The following TRMT9B variants were observed in gnomAD, a reference collection of about 807,000 sequenced individuals.
The protein encoded by TRMT9B is probable tRNA methyltransferase 9B.
Under a neutral mutation model 11.5 loss-of-function variants are expected in TRMT9B, and 16 were observed. That is an observed-to-expected ratio of 1.39 (90% CI 0.94 to 2.11). TRMT9B has a LOEUF of 2.11. TRMT9B is among the 30% of genes most tolerant of loss of function. The pLI, the probability that TRMT9B is intolerant of heterozygous loss-of-function variation, is 0.00. For synonymous variants in TRMT9B, 274 were observed against 192.4 expected (o/e 1.42, Z -3.51); for missense variants, 941 against 553.8 (o/e 1.70, Z -7.02).
intron 1 of TRMT9B, among the ~76,000 whole-genome samples, chr8:12,977,928 C>T (rs1444545176): frequency 6.6e-6 from 1 of 152,006 alleles, no homozygotes; most frequent in Admixed American, 6.6e-5. Context: ...ACTAGGGAGG[C>T]TGAGGTGGGA....
rs1813749128 is a variant in TRMT9B, at chr8:13,021,096, T to C, written c.417T>C (p.Ile139=). 4 of 1,610,492 alleles carry C rather than the reference T, an allele frequency of 2.5e-6. No homozygotes were observed. The East Asian group carries it at 8.9e-5, about 36-fold the overall frequency. Residue 139 remains isoleucine (I), a synonymous_variant, in exon 5 of 5, where the codon ATT becomes ATC. Transcript: ENST00000524591. Reference sequence around the variant, plus strand: ...TAGTTCCCGGAGGCCAACTGATGATTTACGTTTGGGCAATGGAACAAAAGA... The same window carrying C: ...TAGTTCCCGGAGGCCAACTGATGATCTACGTTTGGGCAATGGAACAAAAGA... ...RVLVPGGQLM[I]YVWAMEQKNR... is the part of the protein sequence containing the mutation.
In TRMT9B at chr8:13,021,497, A is replaced by G. The variant is rs758376419; in HGVS notation, c.818A>G (p.Asn273Ser). Residue 273 changes from asparagine to serine, a missense_variant, in exon 5 of 5, where the codon AAC (asparagine) becomes AGC (serine). Asn to Ser is a conservative substitution (Grantham distance 46, BLOSUM62 1). Coordinates refer to ENST00000524591, the MANE Select transcript of TRMT9B (RefSeq NM_020844.3). The part of the protein sequence containing the change: ...KQIERVRPLK[N>S]TEVWASSTVT... ...ATTGAAAGAGTAAGACCCTTGAAAA[A>G]CACAGAAGTTTGGGCCAGTAGCACT... The G allele has an allele frequency of 6.2e-7, 1 of 1,613,608 alleles. No homozygotes were observed. Among genetic ancestry groups the G allele is most frequent in the East Asian group, 2.2e-5 (1 of 44,870 alleles).
rs771058912 is a variant in TRMT9B at position 13,021,336 on chromosome 8, T to G, written c.657T>G (p.Pro219=). Reference sequence around the variant, plus strand: ...GGTCCCACAGCGTGGGCTATGAACCTGCTATGGCAAGAACCTGTTTTGCAA... The same window carrying G: ...GGTCCCACAGCGTGGGCTATGAACCGGCTATGGCAAGAACCTGTTTTGCAA... ...SKRSHSVGYE[P]AMARTCFANI... is the part of the protein sequence containing the mutation. The change falls in exon 5 of 5, where the codon CCT becomes CCG. Residue 219 remains proline, a synonymous_variant. Coordinates refer to ENST00000524591, the MANE Select transcript of TRMT9B (RefSeq NM_020844.3). 11 of 1,613,916 alleles carry G rather than the reference T, an allele frequency of 6.8e-6. No individual in the cohort carries two copies. Among genetic ancestry groups the G allele is most frequent in the Middle Eastern group, 1.6e-4 (1 of 6,084 alleles).
chr8:12,953,723 GTGTT>G (rs1800941895), intron 1 of TRMT9B, among the ~76,000 whole-genome samples: 1 of 152,212 alleles, frequency 6.6e-6, no homozygotes, highest in African/African-American at 2.4e-5. Context: ...GAACTGTCCA[GTGTT>G]GTGAGTGGTG....
chr8:12,952,946 G>T (rs1800819489), intron 1 of TRMT9B, among the ~76,000 whole-genome samples: 1 of 152,152 alleles, frequency 6.6e-6, no homozygotes, highest in Non-Finnish European at 1.5e-5. Flanking sequence ...CACCATGTTG[G>T]TCAGGCTGGT....
chr8:12,978,549 TAGATAGATAG>T (rs1804830541), intron 1 of TRMT9B, among the ~76,000 whole-genome samples: 2 of 150,884 alleles, frequency 1.3e-5, no homozygotes, highest in Admixed American at 1.3e-4. Context: ...GATAGATAGA[TAGATAGATAG>T]ATAGATAGAT....
At chr8:13,011,605 C>G (rs1234272697) in intron 3 of TRMT9B, 3 of 955,162 alleles carry the variant, frequency 3.1e-6, no homozygotes, top group South Asian at 9.7e-5. Context: ...GGCTTTGTTT[C>G]AAGGTGGTTT....
At chr8:12,988,011 C>T (rs746007830) in intron 1 of TRMT9B, among the ~76,000 whole-genome samples, 2 of 152,162 alleles carry the variant, frequency 1.3e-5, no homozygotes, top group Non-Finnish European at 2.9e-5. Flanking sequence ...TAAAGTCAAA[C>T]CTTCATAAGT....
At chr8:12,985,519 A>T (rs751189094) in intron 1 of TRMT9B, among the ~76,000 whole-genome samples, 12 of 152,168 alleles carry the variant, frequency 7.9e-5, no homozygotes, top group Non-Finnish European at 1.6e-4. Context: ...CACCCGTCAT[A>T]TGCTTACCCC....
chr8:12,963,332 C>G (rs1386130457), intron 1 of TRMT9B, among the ~76,000 whole-genome samples: 1 of 152,144 alleles, frequency 6.6e-6, no homozygotes, highest in African/African-American at 2.4e-5. Context: ...ACTCAGGAGG[C>G]TGAGGCAGGA....
chr8:13,018,061 A>C (rs1813082330), intron 4 of TRMT9B, among the ~76,000 whole-genome samples: 1 of 150,154 alleles, frequency 6.7e-6, no homozygotes, highest in Non-Finnish European at 1.5e-5. Flanking sequence ...AGGAATGGTC[A>C]CTTAAGCATT....
chr8:12,992,928 T>G (rs1807631734), intron 2 of TRMT9B, among the ~76,000 whole-genome samples: 1 of 152,284 alleles, frequency 6.6e-6, no homozygotes. Flanking sequence ...TAGTTACCCA[T>G]AAATTCTTTA....
chr8:12,983,530 C>T (rs542131992), intron 1 of TRMT9B, among the ~76,000 whole-genome samples: 26 of 152,162 alleles, frequency 1.7e-4, no homozygotes, highest in Middle Eastern at 3.4e-3. Context: ...ATTAGCTGGG[C>T]GTTGTGGCAG....
intron 1 of TRMT9B, among the ~76,000 whole-genome samples, chr8:12,966,248 C>T (rs918185165): frequency 5.3e-5 from 8 of 152,118 alleles, no homozygotes; most frequent in East Asian, 1.9e-4. Flanking sequence ...ACTCCAGCCT[C>T]GGTGACAGAG....
intron 2 of TRMT9B, among the ~76,000 whole-genome samples, chr8:12,994,453 T>C (rs574859918): frequency 6.6e-6 from 1 of 152,354 alleles, no homozygotes; most frequent in East Asian, 1.9e-4. Context: ...GTCTTTTCTC[T>C]TTCTCCCTTT....
At chr8:12,984,491 A>G (rs919430799) in intron 1 of TRMT9B, among the ~76,000 whole-genome samples, 6 of 152,178 alleles carry the variant, frequency 3.9e-5, no homozygotes, top group Non-Finnish European at 7.4e-5. Flanking sequence ...ACCTTTTTTC[A>G]GTAAAATGAC....
At chr8:12,984,063 G>A (rs1464607157) in intron 1 of TRMT9B, among the ~76,000 whole-genome samples, 2 of 152,146 alleles carry the variant, frequency 1.3e-5, no homozygotes, top group African/African-American at 4.8e-5. Context: ...TGTCCACATG[G>A]GTGGCTGAGA....
At chr8:12,984,631 G>A (rs1265067958) in intron 1 of TRMT9B, among the ~76,000 whole-genome samples, 1 of 152,010 alleles carries the variant, frequency 6.6e-6, no homozygotes, top group African/African-American at 2.4e-5. Flanking sequence ...TTCTTCCACG[G>A]TACTATTTTG....
At chr8:13,006,641 C>A in intron 3 of TRMT9B, 1 of 1,352,474 alleles carries the variant, frequency 7.4e-7, no homozygotes, top group Non-Finnish European at 9.5e-7. Context: ...AAGTCAGCAG[C>A]AAGTAAAAAA....
Sources: allele counts gnomAD v4.1 joint callset (sites outside exome capture counted in the v4.1 genomes callset), GRCh38; gene constraint gnomAD v4.1.1; transcripts MANE v1.5; gene names NCBI Gene and HGNC (gene_info 2026-07-23, HGNC 2026-07-21).